Variants in FAAP100 observed in about 807,000 individuals in gnomAD.
The protein encoded by FAAP100 is Fanconi anemia core complex-associated protein 100.
Under a neutral mutation model 65.8 loss-of-function variants are expected in FAAP100, and 46 were observed. The observed-to-expected ratio is 0.70, with a 90% confidence interval of 0.55 to 0.89. The LOEUF is 0.89. Ranked by LOEUF, FAAP100 falls within the 40% of genes least tolerant of loss-of-function variation. FAAP100 has a pLI of 0.00. For missense variants in FAAP100, 1,165 were observed against 1,196.7 expected (o/e 0.97, Z 0.39); for synonymous variants, 663 against 555.1 (o/e 1.19, Z -2.73).
In FAAP100 at chr17:81,540,059, G is replaced by C. The variant is rs2033021850; in HGVS notation, c.*760C>G. ...CCCAGGCTGAGGGAGGAGGCTGGGG[G>C]CTGGGGCTCAGGGCCCCCCCCCGGG... is the stretch of plus-strand genomic sequence containing the variant. On this transcript the variant is annotated 3_prime_UTR_variant, in exon 9 of 9. Transcript: ENST00000327787. 2.6e-6 allele frequency: 1 copy of C among 380,292 alleles called. No individual in the cohort carries two copies. Among genetic ancestry groups the C allele is most frequent in the African/African-American group, 2.3e-5 (1 of 44,190 alleles). 23.6% of individuals were successfully genotyped at this position (380,292 alleles called of 1,614,324 possible). A position where few individuals can be genotyped will look rare whatever the true frequency, so the allele number is the denominator to read the frequency against.
intron 2 of FAAP100, 123 bp downstream of exon 2, chr17:81,551,805 G>C: frequency 1.4e-6 from 2 of 1,381,780 alleles, no homozygotes; most frequent in Non-Finnish European, 1.9e-6. Context: ...CAGGGATGGC[G>C]GCCGAGGCTT....
intron 6 of FAAP100, among the ~76,000 whole-genome samples, chr17:81,544,742 C>A (rs1191971776): frequency 6.6e-6 from 1 of 152,242 alleles, no homozygotes; most frequent in Non-Finnish European, 1.5e-5. Context: ...CCAGAGAGGA[C>A]ACAGTCACCT....
At position 81,552,038 on chromosome 17, in the gene FAAP100, G is replaced by T; in HGVS notation, c.180C>A (p.Phe60Leu). ...EGGLLTAAFR[F>L]PDQVWHLELL... is the part of the protein sequence containing the mutation. ...GCTCCAGGTGCCACACCTGGTCGGG[G>T]AACCGGAACGCCGCCTGCGGACCGG... Residue 60 changes from phenylalanine (F) to leucine (L), a missense_variant, in exon 2 of 9, where the codon TTC (phenylalanine) becomes TTA (leucine). Physicochemically the swap from Phe to Leu is conservative, Grantham distance 22 (BLOSUM62 0). Transcript: ENST00000327787. 6.5e-7 allele frequency: 1 copy of T among 1,531,612 alleles called. No homozygotes were observed. Among genetic ancestry groups the T allele is most frequent in the Non-Finnish European group, 8.7e-7 (1 of 1,150,424 alleles). The allele number at this position is 1,531,612 out of a possible 1,614,324, so 94.9% of individuals were successfully genotyped here. A position where few individuals can be genotyped will look rare whatever the true frequency, so the allele number is the denominator to read the frequency against.
chr17:81,552,470 C>T (rs369746215), upstream of FAAP100: 3 of 794,060 alleles, frequency 3.8e-6, no homozygotes, highest in African/African-American at 5.4e-5. Flanking sequence ...CCGGAAAGGA[C>T]GCGCTGCAGG....
At chr17:81,541,601 C>A (rs1000196594) in intron 7 of FAAP100, among the ~76,000 whole-genome samples, 2 of 152,228 alleles carry the variant, frequency 1.3e-5, no homozygotes, top group African/African-American at 4.8e-5. Context: ...GAGCCCCTGG[C>A]CTGACAGTTT....
At position 81,542,248 on chromosome 17, in the gene FAAP100, C is replaced by T. The variant is rs142146424; in HGVS notation, c.2428-853G>A. 3.1e-3 allele frequency among the ~76,000 whole-genome samples: 367 copies of T among 118,642 alleles called. 3 individuals are homozygous for T. The highest frequency in any genetic ancestry group is 0.011 in the African/African-American group (332 of 29,938). 77.8% of individuals were successfully genotyped at this position (118,642 alleles called of 152,430 possible). ...ATATATATATATGAAATCAGCCAGG[C>T]GTGGTGACAGAGCCTGTAATCCCAG... On this transcript the variant is annotated intron_variant, in intron 7 of 8. Transcript: ENST00000327787.
intron 2 of FAAP100, 36 bp downstream of exon 2, chr17:81,551,892 G>A: frequency 6.6e-7 from 1 of 1,522,412 alleles, no homozygotes; most frequent in Non-Finnish European, 8.7e-7. Context: ...GGGGCAGCAG[G>A]AGTGTGCGGG....
Position 81,552,028 on chromosome 17 carries a change from C to A in FAAP100, c.190G>T (p.Val64Leu). The A allele has an allele frequency of 6.5e-7, 1 of 1,544,354 alleles. No individual in the cohort carries two copies. The highest frequency in any genetic ancestry group is 8.6e-7 in the Non-Finnish European group (1 of 1,156,138). Residue 64 changes from valine to leucine, a missense_variant, in exon 2 of 9, where the codon GTG (valine) becomes TTG (leucine). Coordinates refer to ENST00000327787, the MANE Select transcript of FAAP100 (RefSeq NM_025161.6). Reference protein sequence around the residue: ...LTAAFRFPDQVWHLELLAPRR... With the variant: ...LTAAFRFPDQLWHLELLAPRR... Reference sequence around the variant, plus strand: ...GGCGCCAGCAGCTCCAGGTGCCACACCTGGTCGGGGAACCGGAACGCCGCC... The same window carrying A: ...GGCGCCAGCAGCTCCAGGTGCCACAACTGGTCGGGGAACCGGAACGCCGCC...
At position 81,552,187 on chromosome 17, in the gene FAAP100, G is replaced by A. The variant is rs1249925600; in HGVS notation, c.144C>T (p.Asp48=). ...TCACGGTCAGCAGCCCGCCCTCCTG[G>A]TCGTACACGTAGACGAGCTCGCTCC... ...STGSELVYVY[D]QEGGLLTAAF... Residue 48 remains aspartate (D), a synonymous_variant, in exon 1 of 9, where the codon GAC becomes GAT. Coordinates refer to ENST00000327787, the MANE Select transcript of FAAP100 (RefSeq NM_025161.6). The A allele has an allele frequency of 5.3e-6, 8 of 1,498,774 alleles. No individual in the cohort carries two copies. The highest frequency in any genetic ancestry group is 1.2e-5 in the South Asian group (1 of 80,324). 92.8% of individuals were successfully genotyped at this position (1,498,774 alleles called of 1,614,324 possible). A position where few individuals can be genotyped will look rare whatever the true frequency, so the allele number is the denominator to read the frequency against.
Position 81,549,239 on chromosome 17 carries a change from T to G in FAAP100, c.1370A>C (p.Glu457Ala), listed in dbSNP as rs1468718034. 1 of 1,612,796 alleles carries G rather than the reference T, an allele frequency of 6.2e-7. No homozygotes were observed. The highest frequency in any genetic ancestry group is 8.5e-7 in the Non-Finnish European group (1 of 1,179,936). The change falls in exon 4 of 9, where the codon GAG becomes GCG. Residue 457 changes from glutamate to alanine, a missense_variant. Physicochemically the swap from Glu to Ala is moderately radical, Grantham distance 107. Coordinates refer to ENST00000327787, the MANE Select transcript of FAAP100 (RefSeq NM_025161.6). ...TTESAGQKIK[E>A]LLSGIGNISE... ...GATGTTGCCAATTCCAGACAGCAGC[T>G]CCTTTATTTTCTGACCTGCACTCTC...
Position 81,549,301 on chromosome 17 carries a change from C to A in FAAP100, c.1308G>T (p.Leu436=). The change falls in exon 4 of 9, where the codon CTG becomes CTT. Residue 436 remains leucine (L), a synonymous_variant. Transcript: ENST00000327787. ...TGGCTGGGCCAGGCATCTCAGAGTC[C>A]AGGTCCAGGCTGCAGGTCATCAGGC... The part of the protein sequence containing the change: ...KGRLMTCSLD[L]DSEMPGPARM... 6.2e-7 allele frequency: 1 copy of A among 1,613,076 alleles called. No individual in the cohort carries two copies. Among genetic ancestry groups the A allele is most frequent in the Non-Finnish European group, 8.5e-7 (1 of 1,179,902 alleles).
Position 81,552,179 on chromosome 17 carries a change from C to T in FAAP100, c.152G>A (p.Gly51Asp). The change falls in exon 1 of 9, where the codon GGC (glycine) becomes GAC (aspartate). Residue 51 changes from glycine to aspartate, a missense_variant. Coordinates refer to ENST00000327787, the MANE Select transcript of FAAP100 (RefSeq NM_025161.6). ...GCCGGCGCTCACGGTCAGCAGCCCG[C>T]CCTCCTGGTCGTACACGTAGACGAG... ...SELVYVYDQE[G>D]GLLTAAFRFP... 1.3e-6 allele frequency: 2 copies of T among 1,496,968 alleles called. No individual in the cohort carries two copies. Among genetic ancestry groups the T allele is most frequent in the Non-Finnish European group, 1.8e-6 (2 of 1,130,148 alleles). 92.7% of individuals were successfully genotyped at this position (1,496,968 alleles called of 1,614,324 possible). A position where few individuals can be genotyped will look rare whatever the true frequency, so the allele number is the denominator to read the frequency against.
chr17:81,547,069 G>A lies in FAAP100; in HGVS notation c.2013C>T (p.Pro671=). ...PHTRAPSPLG[P]TRDPVATFLE... is the part of the protein sequence containing the mutation. Reference sequence around the variant, plus strand: ...GAAAAGTGGCCACAGGGTCTCGGGTGGGGCCGAGTGGGGAGGGGGCCCGTG... The same window carrying A: ...GAAAAGTGGCCACAGGGTCTCGGGTAGGGCCGAGTGGGGAGGGGGCCCGTG... Residue 671 remains proline (P), a synonymous_variant, in exon 5 of 9, where the codon CCC becomes CCT. Transcript: ENST00000327787. The A allele has an allele frequency of 6.5e-7, 1 of 1,542,948 alleles. No individual in the cohort carries two copies. Among genetic ancestry groups the A allele is most frequent in the Non-Finnish European group, 8.7e-7 (1 of 1,145,130 alleles).
rs1163752924 is a variant in FAAP100 at position 81,550,791 on chromosome 17, G to A, written c.703C>T (p.Leu235Phe). The change falls in exon 3 of 9, where the codon CTC becomes TTC. Residue 235 changes from leucine (L) to phenylalanine (F), a missense_variant. By Grantham distance (22) the Leu-to-Phe change is conservative. Coordinates refer to ENST00000327787, the MANE Select transcript of FAAP100 (RefSeq NM_025161.6). ...CAGAGGACCACAGGTGACTGCAGGA[G>A]GGTGGCATCAGCTCCAAAGAGGAGC... ...FGLLFGADAT[L>F]LQSPVVLCGL... 1 of 1,612,678 alleles carries A rather than the reference G, an allele frequency of 6.2e-7. No homozygotes were observed. The highest frequency in any genetic ancestry group is 8.5e-7 in the Non-Finnish European group (1 of 1,179,900).
chr17:81,550,740 A>G lies in FAAP100; in HGVS notation c.754T>C (p.Cys252Arg). ...LCGLPDGQLC[C>R]VILKALVTSR... Reference sequence around the variant, plus strand: ...GTGACCAGGGCCTTCAGGATCACACAGCAGAGCTGGCCATCAGGGAGACCA... The same window carrying G: ...GTGACCAGGGCCTTCAGGATCACACGGCAGAGCTGGCCATCAGGGAGACCA... Residue 252 changes from cysteine (C) to arginine (R), a missense_variant, in exon 3 of 9, where the codon TGT (cysteine) becomes CGT (arginine). Cys to Arg is a radical substitution (Grantham distance 180). Coordinates refer to ENST00000327787, the MANE Select transcript of FAAP100 (RefSeq NM_025161.6). 6.2e-7 allele frequency: 1 copy of G among 1,612,532 alleles called. No homozygotes were observed.
intron 6 of FAAP100, among the ~76,000 whole-genome samples, chr17:81,545,014 A>G (rs558004671): frequency 1.3e-5 from 2 of 152,342 alleles, no homozygotes; most frequent in East Asian, 3.9e-4. Flanking sequence ...TACTAAAAAC[A>G]CAAAAATTAG....
chr17:81,549,510 G>T, intron 3 of FAAP100, 148 bp from the exon 4 acceptor site: 1 of 1,044,852 alleles, frequency 9.6e-7, no homozygotes, highest in Non-Finnish European at 1.3e-6. Context: ...CAAGGCAAAT[G>T]CACTGTCCCG....
chr17:81,540,679 T>TTC lies in FAAP100; in HGVS notation c.*138_*139dup. 1 of 1,158,922 alleles carries TTC rather than the reference T, an allele frequency of 8.6e-7. No homozygotes were observed. Among genetic ancestry groups the TTC allele is most frequent in the Non-Finnish European group, 1.1e-6 (1 of 870,836 alleles). 71.8% of individuals were successfully genotyped at this position (1,158,922 alleles called of 1,614,324 possible). ...CGGCCTCCAAGCACTTTCATGAGCG[T>TTC]TCTGCTCCTACGTGGCCAGGTCCTA... On this transcript the variant is annotated 3_prime_UTR_variant, in exon 9 of 9. Transcript: ENST00000327787.
Position 81,541,300 on chromosome 17 carries a change from G to A in FAAP100, c.2514+9C>T. ...GGGAAGGGGACTGCCCGGGGAACCG[G>A]GTGCTCACCTCGTGGTTGGCGTGGA... On this transcript the variant is annotated intron_variant, in intron 8 of 8. Coordinates refer to ENST00000327787, the MANE Select transcript of FAAP100 (RefSeq NM_025161.6). The A allele has an allele frequency of 6.2e-7, 1 of 1,608,946 alleles. No individual in the cohort carries two copies. The highest frequency in any genetic ancestry group is 1.1e-5 in the South Asian group (1 of 90,400).
Sources: gnomAD v4.1 joint callset for allele counts (sites outside exome capture counted in the v4.1 genomes callset) on GRCh38, gnomAD v4.1.1 for gene constraint, MANE v1.5 for transcripts, NCBI Gene and HGNC (gene_info 2026-07-23, HGNC 2026-07-21) for gene names.